LARGE1: variants seen among roughly 807,000 people sequenced by gnomAD.
The protein encoded by LARGE1 is xylosyl- and glucuronyltransferase LARGE1.
In LARGE1, 43 loss-of-function variants were observed where a neutral mutation model predicts 87.6. The observed-to-expected ratio is 0.49, with a 90% confidence interval of 0.38 to 0.63. The LOEUF (loss-of-function observed/expected upper bound fraction) is 0.63. LARGE1 is among the 30% of genes least tolerant of loss of function. The pLI is 0.00. For missense variants in LARGE1, 802 were observed against 1,000.2 expected (o/e 0.80, Z 2.67); for synonymous variants, 434 against 394.6 (o/e 1.10, Z -1.18).
chr22:33,767,099 A>T (rs2084931833), intron 1 of LARGE1, among the ~76,000 whole-genome samples: 1 of 151,348 alleles, frequency 6.6e-6, no homozygotes, highest in South Asian at 2.1e-4. Context: ...GGATCACCTG[A>T]CATCAGGCGT....
At chr22:33,869,992 C>T (rs5754728) in intron 1 of LARGE1, among the ~76,000 whole-genome samples, 72,223 of 151,982 alleles carry the variant, frequency 0.48, 17,476 homozygotes, top group East Asian at 0.61. Context: ...TTGTGTATCC[C>T]CCAGAAAGAT....
chr22:33,339,466 T>C (rs1938905599), intron 9 of LARGE1, among the ~76,000 whole-genome samples: 1 of 152,056 alleles, frequency 6.6e-6, no homozygotes, highest in Non-Finnish European at 1.5e-5. Context: ...TACTGCAGAT[T>C]TTCAGCAGGA....
intron 2 of LARGE1, among the ~76,000 whole-genome samples, chr22:33,749,408 C>T (rs141662767): frequency 1.7e-3 from 253 of 152,266 alleles, no homozygotes; most frequent in African/African-American, 5.7e-3. Flanking sequence ...CCACAGCGCC[C>T]AGCCCTGTGC....
chr22:33,871,489 C>A (rs187494379), intron 1 of LARGE1, among the ~76,000 whole-genome samples: 80 of 152,272 alleles, frequency 5.3e-4, no homozygotes, highest in Middle Eastern at 6.8e-3. Context: ...AGTACCAGGA[C>A]TAAAGTCAGA....
chr22:33,820,218 C>T (rs1246777838), intron 1 of LARGE1, among the ~76,000 whole-genome samples: 1 of 151,996 alleles, frequency 6.6e-6, no homozygotes, highest in Non-Finnish European at 1.5e-5. Flanking sequence ...TTTGCAAAAC[C>T]CCCCATATAA....
chr22:33,629,010 G>GAGCAAAATGA (rs940592383), intron 3 of LARGE1, among the ~76,000 whole-genome samples: 2 of 152,146 alleles, frequency 1.3e-5, no homozygotes, highest in African/African-American at 4.8e-5. Context: ...AGGGATGAGG[G>GAGCAAAATGA]AGCAAAATGA....
chr22:33,200,009 T>G (rs868401397), intron 11 of LARGE1, among the ~76,000 whole-genome samples: 3 of 151,972 alleles, frequency 2.0e-5, no homozygotes, highest in Admixed American at 2.0e-4. Flanking sequence ...CCACCACACC[T>G]GGCTAATTTT....
At chr22:33,132,092 A>G in the LARGE1 span, among the ~76,000 whole-genome samples, 6 of 152,036 alleles carry the variant, frequency 3.9e-5, no homozygotes, top group African/African-American at 1.4e-4. Flanking sequence ...ACACATGGGA[A>G]TTGTTGGAGT....
chr22:33,195,106 C>G (rs1049582392), intron 11 of LARGE1, among the ~76,000 whole-genome samples: 1 of 152,138 alleles, frequency 6.6e-6, no homozygotes, highest in Admixed American at 6.5e-5. Context: ...GTGCCTGTAT[C>G]AAGTTATTAG....
At chr22:33,408,978 T>C (rs146536837) in intron 7 of LARGE1, among the ~76,000 whole-genome samples, 16 of 152,336 alleles carry the variant, frequency 1.1e-4, no homozygotes, top group African/African-American at 3.6e-4. Context: ...TCTGTTTGCA[T>C]TGAGCTCGGT....
intron 1 of LARGE1, among the ~76,000 whole-genome samples, chr22:33,788,401 G>A (rs2085719297): frequency 1.3e-5 from 2 of 152,168 alleles, no homozygotes; most frequent in South Asian, 4.1e-4. Context: ...GAGAACAGAT[G>A]AATACAGTTA....
chr22:33,397,742 T>C (rs766040504), intron 7 of LARGE1, among the ~76,000 whole-genome samples: 2 of 152,186 alleles, frequency 1.3e-5, no homozygotes, highest in Non-Finnish European at 2.9e-5. Context: ...TCAGGTTAAG[T>C]AGATATTGCA....
chr22:33,100,176 A>G, the LARGE1 span, among the ~76,000 whole-genome samples: 1 of 151,688 alleles, frequency 6.6e-6, no homozygotes, highest in Non-Finnish European at 1.5e-5. Flanking sequence ...TCTCTACTAA[A>G]ACAAAACAAA....
At chr22:33,571,128 G>A (rs1279928925) in intron 5 of LARGE1, among the ~76,000 whole-genome samples, 1 of 152,206 alleles carries the variant, frequency 6.6e-6, no homozygotes, top group East Asian at 1.9e-4. Flanking sequence ...ATTCTAAGCA[G>A]CATGGTCTAA....
At chr22:33,230,968 T>C (rs1925977511) in intron 11 of LARGE1, among the ~76,000 whole-genome samples, 1 of 152,208 alleles carries the variant, frequency 6.6e-6, no homozygotes, top group Non-Finnish European at 1.5e-5. Context: ...AATATAATCT[T>C]TCAATTGTCC....
intron 1 of LARGE1, among the ~76,000 whole-genome samples, chr22:33,832,586 G>A (rs1253733379): frequency 6.6e-6 from 1 of 152,226 alleles, no homozygotes; most frequent in Non-Finnish European, 1.5e-5. Context: ...GTCAGGAAGG[G>A]TCGATTAAGA....
At chr22:33,713,556 T>A (rs763095213) in intron 2 of LARGE1, among the ~76,000 whole-genome samples, 3 of 152,010 alleles carry the variant, frequency 2.0e-5, no homozygotes, top group Non-Finnish European at 4.4e-5. Flanking sequence ...ACCTAATTGG[T>A]GGTTCTGTTG....
intron 9 of LARGE1, 121 bp downstream of exon 9, chr22:33,381,798 T>A (rs1338914230): frequency 3.1e-6 from 4 of 1,291,486 alleles, no homozygotes; most frequent in Non-Finnish European, 4.5e-6. Context: ...CTCATTCTGC[T>A]CTCCTGTGCC....
chr22:33,544,969 T>C (rs1016720255), intron 6 of LARGE1, among the ~76,000 whole-genome samples: 5 of 152,108 alleles, frequency 3.3e-5, no homozygotes, highest in Admixed American at 1.3e-4. Context: ...AAACAGTCAT[T>C]CTGCTGATGT....
Sources: allele counts gnomAD v4.1 joint callset (sites outside exome capture counted in the v4.1 genomes callset), GRCh38; gene constraint gnomAD v4.1.1; transcripts MANE v1.5; gene names NCBI Gene and HGNC (gene_info 2026-07-23, HGNC 2026-07-21).